The following ATP6AP2 variants were observed in gnomAD, a reference collection of about 807,000 sequenced individuals.
ATP6AP2 encodes the protein ATPase H+ transporting accessory protein 2.
ATP6AP2 carries 1 observed loss-of-function variant against 23.4 expected under a neutral mutation model. The observed-to-expected ratio is 0.04, with a 90% CI of 0.02 to 0.20. The LOEUF (loss-of-function observed/expected upper bound fraction) is 0.20, where lower values mean the gene tolerates loss of function less well. ATP6AP2 is among the 10% of genes least tolerant of loss of function. ATP6AP2 has a pLI of 1.00. For synonymous variants in ATP6AP2, 90 were observed against 97.1 expected, an observed-to-expected ratio of 0.93 and a Z score of 0.43; for missense variants, 174 against 271.3, an observed-to-expected ratio of 0.64 and a Z score of 2.52.
intron 3 of ATP6AP2, among the ~76,000 whole-genome samples, chrX:40,594,529 T>C (rs983175966): frequency 8.9e-6 from 1 of 112,260 alleles, no homozygotes; most frequent in Non-Finnish European, 1.9e-5. Flanking sequence ...AACTATTGGG[T>C]AAGAGTGGGG....
At chrX:40,603,426 T>C (rs1926991926) in intron 8 of ATP6AP2, 1 of 110,378 alleles carries the variant, frequency 9.1e-6, no homozygotes, top group Non-Finnish European at 1.9e-5. Flanking sequence ...GCCTCAGCTC[T>C]GAGCTCCCCG....
rs1270366327 is a variant in ATP6AP2, at chrX:40,602,930, TTTTTTTTTTTTG to T, written c.858+2050_858+2061del. On this transcript the variant is annotated intron_variant, in intron 8 of 8. Coordinates refer to ENST00000636580, the MANE Select transcript of ATP6AP2 (RefSeq NM_005765.3). Reference sequence around the variant, plus strand: ...AGAGAATTCTTTTTTTTTTTTTTTTTTTTTTTTTTTTGGATTTTTTGGAGATAGGATCTTACT... The same window carrying T: ...AGAGAATTCTTTTTTTTTTTTTTTTTGATTTTTTGGAGATAGGATCTTACT... 1.1e-3 allele frequency among the ~76,000 whole-genome samples: 33 copies of T among 28,796 alleles called. 1 individual carries two copies. The highest frequency in any genetic ancestry group is 4.0e-3 in the South Asian group (1 of 250). The allele number at this position is 28,796 out of a possible 115,157, so 25.0% of individuals were successfully genotyped here.
At chrX:40,599,847 C>A in intron 7 of ATP6AP2, 106 bp downstream of exon 7, 1 of 1,011,194 alleles carries the variant, frequency 9.9e-7, no homozygotes, top group South Asian at 2.0e-5. Context: ...CTCTTATTTG[C>A]CTTCTTTGGG....
Position 40,600,839 on chromosome X carries a change from C to T in ATP6AP2, c.816C>T (p.Ser272=). 8.3e-7 allele frequency: 1 copy of T among 1,208,592 alleles called. No individual in the cohort carries two copies. Among genetic ancestry groups the T allele is most frequent in the Non-Finnish European group, 1.1e-6 (1 of 893,498 alleles). The change falls in exon 8 of 9, where the codon TCC becomes TCT. Residue 272 remains serine, a synonymous_variant. Transcript: ENST00000636580. ...TCACTGTCAAGTCATTTGACACCTC[C>T]CTCATTAGGAAGACAAGGACTATCC... The part of the protein sequence containing the change: ...ELVTVKSFDT[S]LIRKTRTILE...
chrX:40,598,089 T>TCGGTGGTC, intron 5 of ATP6AP2: 1 of 187,498 alleles, frequency 5.3e-6, no homozygotes, highest in South Asian at 9.1e-5. Flanking sequence ...TGTGTGGATC[T>TCGGTGGTC]GGTAACTTGG....
chrX:40,586,799 C>T (rs1233736210), intron 1 of ATP6AP2, among the ~76,000 whole-genome samples: 9 of 111,400 alleles, frequency 8.1e-5, no homozygotes, highest in African/African-American at 2.6e-4. Flanking sequence ...TATAGGAGTC[C>T]CTGACTCTAA....
intron 1 of ATP6AP2, among the ~76,000 whole-genome samples, chrX:40,585,054 C>T (rs1231158246): frequency 3.6e-5 from 4 of 112,317 alleles, no homozygotes; most frequent in Non-Finnish European, 7.5e-5. Flanking sequence ...CTATTTTTAT[C>T]TTATCTCTTT....
intron 1 of ATP6AP2, among the ~76,000 whole-genome samples, chrX:40,587,458 A>G (rs1926506945): frequency 8.9e-6 from 1 of 111,905 alleles, no homozygotes; most frequent in African/African-American, 3.2e-5. Context: ...TCCTGTTCTG[A>G]CAGCTGTGCC....
At chrX:40,593,105 A>G (rs185424672) in intron 3 of ATP6AP2, among the ~76,000 whole-genome samples, 7 of 111,162 alleles carry the variant, frequency 6.3e-5, no homozygotes, top group Admixed American at 2.9e-4. Context: ...AAAATTAGCC[A>G]GGCGTGGTGG....
intron 2 of ATP6AP2, chrX:40,589,376 A>C: frequency 3.4e-6 from 1 of 291,098 alleles, no homozygotes; most frequent in Non-Finnish European, 6.0e-6. Flanking sequence ...TCAAAAATAA[A>C]TGAATTAATT....
At chrX:40,598,890 A>G in intron 6 of ATP6AP2, 156 bp downstream of exon 6, 1 of 521,157 alleles carries the variant, frequency 1.9e-6, no homozygotes, top group Non-Finnish European at 3.2e-6. Flanking sequence ...GGAATTTTGA[A>G]CACATCCATG....
At chrX:40,601,044 G>T (rs186682001) in intron 8 of ATP6AP2, 163 bp downstream of exon 8, 3 of 499,149 alleles carry the variant, frequency 6.0e-6, no homozygotes, top group Non-Finnish European at 9.7e-6. Flanking sequence ...ATACATATGT[G>T]TGCTTTGCCA....
At position 40,598,959 on chromosome X, in the gene ATP6AP2, A is replaced by G. The variant is rs190874032; in HGVS notation, c.588+225A>G. On this transcript the variant is annotated intron_variant, in intron 6 of 8. Transcript: ENST00000636580. The stretch of plus-strand genomic sequence containing the variant: ...AGGGAGAGACAACATATCTTCCAAG[A>G]ACACAAGCCTGGGCGTAAGAACACC... The G allele has an allele frequency of 1.1e-3, 449 of 411,998 alleles. 1 individual carries two copies. The highest frequency in any genetic ancestry group is 9.6e-3 in the African/African-American group (385 of 39,909). The allele number at this position is 411,998 out of a possible 1,213,427, so 34.0% of individuals were successfully genotyped here.
chrX:40,595,094 A>G (rs1926745279), intron 3 of ATP6AP2, among the ~76,000 whole-genome samples: 1 of 112,324 alleles, frequency 8.9e-6, no homozygotes, highest in Admixed American at 9.5e-5. Context: ...TTTCTTTAAA[A>G]TTATAAAAAT....
At position 40,606,050 on chromosome X, in the gene ATP6AP2, A is replaced by C. The variant is rs1927063182; in HGVS notation, c.*295A>C. The C allele has an allele frequency of 3.6e-6, 1 of 277,940 alleles. No homozygotes were observed. The highest frequency in any genetic ancestry group is 6.2e-5 in the South Asian group (1 of 16,196). 22.9% of individuals were successfully genotyped at this position (277,940 alleles called of 1,213,427 possible). A position where few individuals can be genotyped will look rare whatever the true frequency, so the allele number is the denominator to read the frequency against. On this transcript the variant is annotated 3_prime_UTR_variant, in exon 9 of 9. Coordinates refer to ENST00000636580, the MANE Select transcript of ATP6AP2 (RefSeq NM_005765.3). ...GGAAATATGCACTGAAAGAAATGTA[A>C]AACATTTAGAATAGCTCGTGTTATG...
rs1231888083 is a variant in ATP6AP2, at chrX:40,595,631, T to A, written c.301-1618T>A. 3.6e-5 allele frequency among the ~76,000 whole-genome samples: 4 copies of A among 111,885 alleles called. No individual in the cohort carries two copies. In the Admixed American group the frequency reaches 3.8e-4, roughly 11 times the overall value. On this transcript the variant is annotated intron_variant, in intron 3 of 8. Transcript: ENST00000636580. The stretch of plus-strand genomic sequence containing the variant: ...GCCATTTCACTAAGTGAAGTGAGGC[T>A]GGAAAGTTTGCATCATTTGCTCATG...
chrX:40,595,452 CA>C (rs1926753573), intron 3 of ATP6AP2, among the ~76,000 whole-genome samples: 1 of 112,552 alleles, frequency 8.9e-6, no homozygotes, highest in African/African-American at 3.2e-5. Flanking sequence ...GAAAAACCAT[CA>C]TTCGATATTA....
chrX:40,589,291 G>C (rs1926563293), intron 2 of ATP6AP2, 175 bp downstream of exon 2: 1 of 526,358 alleles, frequency 1.9e-6, no homozygotes, highest in African/African-American at 2.4e-5. Context: ...CCGGCACTCT[G>C]GGAGGCCGAG....
At chrX:40,582,370 G>A (rs772097160) in intron 1 of ATP6AP2, among the ~76,000 whole-genome samples, 2 of 112,269 alleles carry the variant, frequency 1.8e-5, no homozygotes, top group East Asian at 5.6e-4. Flanking sequence ...GGAGGTTGCA[G>A]TGAGCCGAGA....
Sources: gnomAD v4.1 joint callset for allele counts (sites outside exome capture counted in the v4.1 genomes callset) on GRCh38, gnomAD v4.1.1 for gene constraint, MANE v1.5 for transcripts, NCBI Gene and HGNC (gene_info 2026-07-23, HGNC 2026-07-21) for gene names.